CCDC141: variants seen among roughly 807,000 people sequenced by gnomAD.
CCDC141 encodes the protein coiled-coil domain containing 141, also known as coiled-coil domain-containing protein 141.
A neutral mutation model predicts 181.0 loss-of-function variants in CCDC141; 168 were observed. That is an observed-to-expected ratio of 0.93 (90% CI 0.82 to 1.05). The LOEUF is 1.05. Ranked by LOEUF, CCDC141 falls within the 50% of genes least tolerant of loss-of-function variation. CCDC141 has a pLI of 0.00. For synonymous variants in CCDC141, 666 were observed against 642.3 expected, an observed-to-expected ratio of 1.04 and a Z score of -0.56; for missense variants, 1,902 against 1,788.5, an observed-to-expected ratio of 1.06 and a Z score of -1.14.
In CCDC141 at chr2:178,834,180, G is replaced by C; in HGVS notation, c.4586C>G (p.Thr1529Arg). Reference protein sequence around the residue: ...VSVSLMYWLLTQ With the variant: ...VSVSLMYWLLRQ Reference sequence around the variant, plus strand: ...TTGGTGCCAACACCACAGTTATTGTGTGAGGAGCCAGTACATTAGGGACAC... The same window carrying C: ...TTGGTGCCAACACCACAGTTATTGTCTGAGGAGCCAGTACATTAGGGACAC... Residue 1529 changes from threonine to arginine, a missense_variant, in exon 24 of 24, where the codon ACA becomes AGA. Thr to Arg is a moderately conservative substitution (Grantham distance 71). Transcript: ENST00000443758. 6.5e-7 allele frequency: 1 copy of C among 1,535,584 alleles called. No individual in the cohort carries two copies. Among genetic ancestry groups the C allele is most frequent in the South Asian group, 1.2e-5 (1 of 84,044 alleles).
At chr2:178,900,836 A>G (rs1289723054) in intron 8 of CCDC141, among the ~76,000 whole-genome samples, 1 of 152,178 alleles carries the variant, frequency 6.6e-6, no homozygotes, top group African/African-American at 2.4e-5. Flanking sequence ...TGCCTTAACC[A>G]ACTAGAAAAA....
intron 22 of CCDC141, among the ~76,000 whole-genome samples, chr2:178,844,029 T>A (rs550754143): frequency 6.6e-6 from 1 of 152,318 alleles, no homozygotes; most frequent in African/African-American, 2.4e-5. Flanking sequence ...TGAAGGTAAA[T>A]CTTGCTTTTT....
chr2:178,981,655 T>TATATATATAC (rs1363397709), intron 2 of CCDC141, among the ~76,000 whole-genome samples: 1 of 136,436 alleles, frequency 7.3e-6, no homozygotes, highest in African/African-American at 2.8e-5. Context: ...TATATATATA[T>TATATATATAC]ATACATACAT....
chr2:178,971,302 C>A (rs1217311006), intron 4 of CCDC141, among the ~76,000 whole-genome samples: 1 of 152,076 alleles, frequency 6.6e-6, no homozygotes, highest in African/African-American at 2.4e-5. Flanking sequence ...TTTATGCAGC[C>A]AACAAACATA....
chr2:178,962,203 A>G (rs532591491), intron 4 of CCDC141, among the ~76,000 whole-genome samples: 1 of 152,330 alleles, frequency 6.6e-6, no homozygotes, highest in South Asian at 2.1e-4. Context: ...AACATCTTGT[A>G]GAATTGGGAT....
chr2:178,837,034 T>C lies in CCDC141; in HGVS notation c.4185A>G (p.Thr1395=), dbSNP rs745323776. 1.9e-5 allele frequency: 30 copies of C among 1,613,946 alleles called. No homozygotes were observed. The Admixed American group carries it at 3.0e-4, about 16-fold the overall frequency. Residue 1395 remains threonine (T), a synonymous_variant, in exon 23 of 24, where the codon ACA becomes ACG. Coordinates refer to ENST00000443758, the MANE Select transcript of CCDC141 (RefSeq NM_173648.4). ...QMVPREEIKS[T]SAKSSVVSLA... ...GGCTGACCACGCTGCTCTTTGCTGA[T>C]GTGCTTTTAATCTCTTCTCGAGGAA... is the stretch of plus-strand genomic sequence containing the variant.
chr2:179,037,174 G>A (rs2043168140), intron 2 of CCDC141, among the ~76,000 whole-genome samples: 1 of 152,180 alleles, frequency 6.6e-6, no homozygotes, highest in Admixed American at 6.5e-5. Flanking sequence ...GTGGATCTGT[G>A]GAAAGAGCCC....
chr2:178,923,100 T>A (rs7605450), intron 6 of CCDC141, among the ~76,000 whole-genome samples: 4,204 of 151,200 alleles, frequency 0.028, 129 homozygotes, highest in East Asian at 0.13. Context: ...CAGTTTATTT[T>A]TTTTTTTTCT....
At chr2:179,014,452 G>A (rs1025313504) in intron 2 of CCDC141, among the ~76,000 whole-genome samples, 8 of 151,986 alleles carry the variant, frequency 5.3e-5, no homozygotes, top group East Asian at 3.9e-4. Flanking sequence ...GCTTTTGCAC[G>A]GCAAAAGGAA....
In CCDC141 at chr2:178,961,435, G is replaced by A. The variant is rs1284805418; in HGVS notation, c.575C>T (p.Thr192Ile). The part of the protein sequence containing the change: ...LALLNKSQQL[T>I]DFIEKFKCEG... ...ACACTTGAATTTTTCTATGAAGTCA[G>A]TGAGTTGTTGACTTTTGTTTAAAAG... is the stretch of plus-strand genomic sequence containing the variant. The change falls in exon 5 of 24, where the codon ACT (threonine) becomes ATT (isoleucine). Residue 192 changes from threonine (T) to isoleucine (I), a missense_variant. Coordinates refer to ENST00000443758, the MANE Select transcript of CCDC141 (RefSeq NM_173648.4). 6.5e-7 allele frequency: 1 copy of A among 1,550,218 alleles called. No individual in the cohort carries two copies. The highest frequency in any genetic ancestry group is 8.7e-7 in the Non-Finnish European group (1 of 1,146,806).
intron 4 of CCDC141, among the ~76,000 whole-genome samples, chr2:178,973,810 A>G (rs1691005179): frequency 6.6e-6 from 1 of 152,168 alleles, no homozygotes; most frequent in African/African-American, 2.4e-5. Flanking sequence ...TGGTTGAAAG[A>G]AGATTGAATT....
At chr2:178,888,805 T>A in intron 8 of CCDC141, 137 bp from the exon 9 acceptor site, 2 of 881,802 alleles carry the variant, frequency 2.3e-6, no homozygotes, top group Non-Finnish European at 3.4e-6. Flanking sequence ...TAAGTAGCTA[T>A]CATCTCGGCA....
chr2:179,013,546 A>C (rs1026111932), intron 2 of CCDC141, among the ~76,000 whole-genome samples: 3 of 152,148 alleles, frequency 2.0e-5, no homozygotes, highest in African/African-American at 7.2e-5. Context: ...TGTCAAAAGA[A>C]GTCTACAAAT....
chr2:178,886,575 G>T (rs1686895192), intron 10 of CCDC141, among the ~76,000 whole-genome samples, 177 bp downstream of exon 10: 1 of 152,048 alleles, frequency 6.6e-6, no homozygotes, highest in African/African-American at 2.4e-5. Flanking sequence ...CCTAATAAAT[G>T]CACATATAAA....
Position 179,047,310 on chromosome 2 carries a change from G to A in CCDC141, c.199C>T (p.His67Tyr), listed in dbSNP as rs1449728460. Residue 67 changes from histidine to tyrosine, a missense_variant, in exon 2 of 24, where the codon CAT becomes TAT. His to Tyr is a moderately conservative substitution (Grantham distance 83). Transcript: ENST00000443758. Reference sequence around the variant, plus strand: ...TTGAGCTTGGCCAAAAGAAGTTCATGATCATGAAGAAGTTTTTTGGTTTCA... The same window carrying A: ...TTGAGCTTGGCCAAAAGAAGTTCATAATCATGAAGAAGTTTTTTGGTTTCA... ...QDETKKLLHD[H>Y]ELLLAKLKAL... The A allele has an allele frequency of 6.5e-7, 1 of 1,541,522 alleles. No individual in the cohort carries two copies. Among genetic ancestry groups the A allele is most frequent in the East Asian group, 2.5e-5 (1 of 40,492 alleles).
chr2:178,838,294 TG>T (rs1684575732), intron 22 of CCDC141, among the ~76,000 whole-genome samples: 3 of 152,340 alleles, frequency 2.0e-5, no homozygotes, highest in Admixed American at 2.0e-4. Flanking sequence ...TACGGCTCAG[TG>T]GCATTAAGTG....
chr2:178,926,928 T>C (rs899982764), intron 6 of CCDC141, among the ~76,000 whole-genome samples: 1 of 152,202 alleles, frequency 6.6e-6, no homozygotes, highest in Non-Finnish European at 1.5e-5. Context: ...TGTGTCACTT[T>C]AAAGAAAAAA....
At chr2:178,863,169 C>T (rs959674991) in intron 17 of CCDC141, among the ~76,000 whole-genome samples, 61 of 152,236 alleles carry the variant, frequency 4.0e-4, no homozygotes, top group East Asian at 3.9e-4. Flanking sequence ...CCTGGAACAC[C>T]CTGAGCTGAA....
intron 2 of CCDC141, among the ~76,000 whole-genome samples, chr2:178,982,884 G>A (rs1249187752): frequency 6.6e-6 from 1 of 152,188 alleles, no homozygotes; most frequent in African/African-American, 2.4e-5. Flanking sequence ...AGCCAGGCTG[G>A]GGGAGGGGCT....
Sources: allele counts gnomAD v4.1 joint callset (sites outside exome capture counted in the v4.1 genomes callset), GRCh38; gene constraint gnomAD v4.1.1; transcripts MANE v1.5; gene names NCBI Gene and HGNC (gene_info 2026-07-23, HGNC 2026-07-21).